RABGEF1: variants seen among roughly 807,000 people sequenced by gnomAD.
RABGEF1 encodes the protein rab5 GDP/GTP exchange factor.
Under a neutral mutation model 57.3 loss-of-function variants are expected in RABGEF1, and 26 were observed. The ratio of observed to expected loss-of-function variants is 0.45; its 90% CI spans 0.33 to 0.63. RABGEF1 has a LOEUF of 0.63. Among genes scored for constraint, RABGEF1 ranks in the 20% least tolerant of loss-of-function variants. RABGEF1 has a pLI of 0.02. For synonymous variants in RABGEF1, 185 were observed against 210.7 expected (o/e 0.88, Z 1.06); for missense variants, 464 against 607.6 (o/e 0.76, Z 2.48).
chr7:66,765,950 T>C (rs1805591624), intron 1 of RABGEF1, among the ~76,000 whole-genome samples: 1 of 152,156 alleles, frequency 6.6e-6, no homozygotes, highest in Admixed American at 6.6e-5. Flanking sequence ...ATACTTATAG[T>C]ACAAAATTTA....
At chr7:66,762,706 C>T (rs549957834) in intron 1 of RABGEF1, among the ~76,000 whole-genome samples, 2 of 152,100 alleles carry the variant, frequency 1.3e-5, no homozygotes, top group East Asian at 3.9e-4. Flanking sequence ...CACGCCTCTA[C>T]CCTCTCCTGC....
the RABGEF1 span, among the ~76,000 whole-genome samples, chr7:66,655,991 C>T: frequency 6.6e-6 from 1 of 152,108 alleles, no homozygotes; most frequent in Non-Finnish European, 1.5e-5. Context: ...TGCTGTCGGG[C>T]GTGGAGCCTG....
At chr7:66,769,234 A>T (rs1422238140) in intron 1 of RABGEF1, among the ~76,000 whole-genome samples, 1 of 152,196 alleles carries the variant, frequency 6.6e-6, no homozygotes, top group Non-Finnish European at 1.5e-5. Flanking sequence ...GCTTTTCAGA[A>T]TCCTCAAAAA....
chr7:66,670,445 T>C, the RABGEF1 span, among the ~76,000 whole-genome samples: 1 of 36,856 alleles, frequency 2.7e-5, no homozygotes, highest in Admixed American at 2.7e-4. Context: ...TTTTTTTTTT[T>C]TTTTTTTTTT....
At chr7:66,698,504 G>C (rs1281095277) in intron 1 of RABGEF1, among the ~76,000 whole-genome samples, 1 of 152,234 alleles carries the variant, frequency 6.6e-6, no homozygotes, top group African/African-American at 2.4e-5. Context: ...TCCTTGGTTT[G>C]GAGCAGGAGC....
rs1272115532 is a variant in RABGEF1 at position 66,797,411 on chromosome 7, T to A, written c.633T>A (p.Ile211=). The A allele has an allele frequency of 6.2e-7, 1 of 1,611,552 alleles. No homozygotes were observed. The highest frequency in any genetic ancestry group is 1.3e-5 in the African/African-American group (1 of 74,812). ...GAGTCGAGAAGATAATGGATCAGAT[T>A]GAAAAGTACATCATGACTCGTCTCT... The part of the protein sequence containing the change: ...PERVEKIMDQ[I]EKYIMTRLYK... The change falls in exon 6 of 9, where the codon ATT becomes ATA. Residue 211 remains isoleucine, a synonymous_variant. Coordinates refer to ENST00000284957, the MANE Select transcript of RABGEF1 (RefSeq NM_014504.3).
the RABGEF1 span, among the ~76,000 whole-genome samples, chr7:66,662,855 G>A: frequency 6.6e-6 from 1 of 151,578 alleles, no homozygotes; most frequent in African/African-American, 2.4e-5. Flanking sequence ...GCATCTGCAG[G>A]TGTGTATGTA....
intron 1 of RABGEF1, among the ~76,000 whole-genome samples, chr7:66,762,411 C>A (rs1291290364): frequency 6.6e-6 from 1 of 151,860 alleles, no homozygotes; most frequent in African/African-American, 2.4e-5. Flanking sequence ...GTCAATATGG[C>A]GAAACCCTGT....
intron 1 of RABGEF1, among the ~76,000 whole-genome samples, chr7:66,683,916 G>T (rs765536637): frequency 2.0e-5 from 3 of 152,016 alleles, no homozygotes; most frequent in Non-Finnish European, 4.4e-5. Context: ...GATTTTTAAA[G>T]ATTTTGTAAA....
intron 1 of RABGEF1, among the ~76,000 whole-genome samples, chr7:66,688,397 A>G (rs1465773474): frequency 2.6e-5 from 4 of 152,232 alleles, no homozygotes; most frequent in Non-Finnish European, 5.9e-5. Context: ...CTTGAACAAC[A>G]TGATAATCCA....
chr7:66,738,479 C>T (rs1000886858), upstream of RABGEF1, among the ~76,000 whole-genome samples: 3 of 152,076 alleles, frequency 2.0e-5, no homozygotes, highest in Admixed American at 6.5e-5. Context: ...CCTGTAATCC[C>T]AGCACTTTTG....
intron 4 of RABGEF1, 28 bp from the exon 5 acceptor site, chr7:66,795,483 A>G (rs1813809594): frequency 6.4e-7 from 1 of 1,560,342 alleles, no homozygotes; most frequent in African/African-American, 1.4e-5. Flanking sequence ...GTTCAGCTAC[A>G]AGCAGCCTCT....
At chr7:66,773,489 G>A (rs890974938) in intron 2 of RABGEF1, among the ~76,000 whole-genome samples, 49 of 152,142 alleles carry the variant, frequency 3.2e-4, no homozygotes, top group African/African-American at 1.1e-3. Flanking sequence ...TAAATCTCTC[G>A]GAAAGCTTGT....
intron 1 of RABGEF1, among the ~76,000 whole-genome samples, chr7:66,758,622 CA>C (rs1480166477): frequency 6.6e-6 from 1 of 152,158 alleles, no homozygotes; most frequent in Admixed American, 6.5e-5. Context: ...GCTGATCCCC[CA>C]TGTTTCTTCC....
intron 1 of RABGEF1, among the ~76,000 whole-genome samples, chr7:66,771,570 T>C (rs1807146254): frequency 1.3e-5 from 2 of 152,232 alleles, no homozygotes; most frequent in South Asian, 4.1e-4. Flanking sequence ...GTTTTTTTTC[T>C]AGGAGTTTTC....
chr7:66,749,762 G>C (rs984649999), intron 1 of RABGEF1, among the ~76,000 whole-genome samples: 1 of 152,088 alleles, frequency 6.6e-6, no homozygotes, highest in Non-Finnish European at 1.5e-5. Context: ...ACGAGGTCAG[G>C]AGATAGAGAC....
At chr7:66,797,566 G>T (rs1224295875) in intron 6 of RABGEF1, 60 bp downstream of exon 6, 7 of 1,551,090 alleles carry the variant, frequency 4.5e-6, no homozygotes, top group Non-Finnish European at 4.4e-6. Context: ...AACACACTGG[G>T]GGGAAAATAA....
At chr7:66,785,342 A>G (rs968307672) in intron 4 of RABGEF1, among the ~76,000 whole-genome samples, 1 of 152,176 alleles carries the variant, frequency 6.6e-6, no homozygotes. Flanking sequence ...GCCAAGTCCT[A>G]TGCATGTATC....
At chr7:66,792,581 T>C (rs1812976848) in intron 4 of RABGEF1, among the ~76,000 whole-genome samples, 2 of 152,222 alleles carry the variant, frequency 1.3e-5, no homozygotes, top group South Asian at 2.1e-4. Context: ...GTAAGCAGTC[T>C]ACCCTTTTCT....
Sources: allele counts gnomAD v4.1 joint callset (sites outside exome capture counted in the v4.1 genomes callset), GRCh38; gene constraint gnomAD v4.1.1; transcripts MANE v1.5; gene names NCBI Gene and HGNC (gene_info 2026-07-23, HGNC 2026-07-21).